The following MEAF6 variants were observed in gnomAD, a reference collection of about 807,000 sequenced individuals.
The protein encoded by MEAF6 is chromatin modification-related protein MEAF6.
Under a neutral mutation model 28.9 loss-of-function variants are expected in MEAF6, and 15 were observed. The observed-to-expected ratio is 0.52, with a 90% CI of 0.35 to 0.80. MEAF6 has a LOEUF of 0.80. Among genes scored for constraint, MEAF6 ranks in the 30% least tolerant of loss-of-function variants. The pLI is 0.01. For missense variants in MEAF6, 178 were observed against 237.5 expected, an observed-to-expected ratio of 0.75 and a Z score of 1.65; for synonymous variants, 97 against 88.7, an observed-to-expected ratio of 1.09 and a Z score of -0.53.
chr1:37,490,862 T>C lies in MEAF6; in HGVS notation c.*3237A>G, dbSNP rs1277050078. ...CAATATGGTGAAACCCGGTCTCTAT[T>C]GAAAATAAAAAAAAACTAGCTGGGT... On this transcript the variant is annotated 3_prime_UTR_variant, in exon 7 of 7. Transcript: ENST00000296214. Among the ~76,000 whole-genome samples the C allele has an allele frequency of 6.7e-6, 1 of 148,860 alleles. No homozygotes were observed. Among genetic ancestry groups the C allele is most frequent in the African/African-American group, 2.4e-5 (1 of 41,016 alleles).
At chr1:37,496,049 C>G in intron 5 of MEAF6, 131 bp from the exon 6 acceptor site, 1 of 723,536 alleles carries the variant, frequency 1.4e-6, no homozygotes, top group Non-Finnish European at 2.4e-6. Context: ...CTTCATTAGA[C>G]TATGTCATAT....
rs774096136 is a variant in MEAF6 at position 37,513,558 on chromosome 1, G to T, written c.91-20C>A. The T allele has an allele frequency of 6.5e-7, 1 of 1,547,952 alleles. No homozygotes were observed. The highest frequency in any genetic ancestry group is 8.9e-7 in the Non-Finnish European group (1 of 1,119,682). ...TGTTTCCTGAGAGATGAAAAACAAGGACATGAATGATACCTTTTAAATGCA... is the reference window on the plus strand; with the variant it reads ...TGTTTCCTGAGAGATGAAAAACAAGTACATGAATGATACCTTTTAAATGCA... On this transcript the variant is annotated intron_variant, in intron 1 of 6. Transcript: ENST00000296214.
At chr1:37,512,616 G>A (rs888857871) in intron 2 of MEAF6, among the ~76,000 whole-genome samples, 5 of 152,192 alleles carry the variant, frequency 3.3e-5, no homozygotes, top group Admixed American at 6.5e-5. Flanking sequence ...TCAGTTGGGC[G>A]TGGTGGCTCA....
Position 37,493,766 on chromosome 1 carries a change from G to C in MEAF6, c.*333C>G. On this transcript the variant is annotated 3_prime_UTR_variant, in exon 7 of 7. Transcript: ENST00000296214. ...AAAACCAGAGAACATTTCTTGAAGG[G>C]TATCACAGATGAAGCTGGTGCCAGC... The C allele has an allele frequency of 6.5e-7, 1 of 1,548,792 alleles. No homozygotes were observed. The highest frequency in any genetic ancestry group is 8.7e-7 in the Non-Finnish European group (1 of 1,145,316).
chr1:37,494,180 A>T, intron 6 of MEAF6, 73 bp from the exon 7 acceptor site: 1 of 1,328,050 alleles, frequency 7.5e-7, no homozygotes, highest in Non-Finnish European at 1.1e-6. Context: ...GAAAAAAAAA[A>T]TCTCATAAAC....
chr1:37,509,202 C>T (rs910058738), intron 4 of MEAF6, 76 bp downstream of exon 4: 1 of 1,299,644 alleles, frequency 7.7e-7, no homozygotes, highest in African/African-American at 1.5e-5. Flanking sequence ...CTCAGATACA[C>T]AATTGGATGA....
intron 4 of MEAF6, among the ~76,000 whole-genome samples, chr1:37,508,419 C>A (rs888526534): frequency 6.6e-6 from 1 of 151,288 alleles, no homozygotes; most frequent in Admixed American, 6.6e-5. Context: ...GCTGGGACTA[C>A]AGGCATATGC....
chr1:37,506,302 A>G (rs926815626), intron 4 of MEAF6, among the ~76,000 whole-genome samples: 3 of 152,050 alleles, frequency 2.0e-5, no homozygotes, highest in African/African-American at 7.2e-5. Context: ...CCACTAGGTT[A>G]GGCAATGGTT....
At position 37,492,576 on chromosome 1, in the gene MEAF6, A is replaced by AC. The variant is rs1641973353; in HGVS notation, c.*1522_*1523insG. The stretch of plus-strand genomic sequence containing the variant: ...AGCCAGAGTCAAAAAAAAAAAAAAA[A>AC]AAAAACCCACAAAAGTTTATTTGAG... On this transcript the variant is annotated 3_prime_UTR_variant, in exon 7 of 7. Coordinates refer to ENST00000296214, the MANE Select transcript of MEAF6 (RefSeq NM_001270875.3). 6.6e-6 allele frequency: 1 copy of AC among 151,910 alleles called. No individual in the cohort carries two copies. Among genetic ancestry groups the AC allele is most frequent in the Non-Finnish European group, 1.5e-5 (1 of 67,876 alleles). The allele number at this position is 151,910 out of a possible 1,614,324, so 9.4% of individuals were successfully genotyped here.
At chr1:37,497,663 C>T (rs924289104) in intron 5 of MEAF6, among the ~76,000 whole-genome samples, 18 of 152,158 alleles carry the variant, frequency 1.2e-4, no homozygotes, top group African/African-American at 4.3e-4. Flanking sequence ...GCAATCTTGG[C>T]TCACTGTAAC....
intron 5 of MEAF6, among the ~76,000 whole-genome samples, chr1:37,498,459 AG>A (rs1642193325): frequency 6.6e-6 from 1 of 150,578 alleles, no homozygotes; most frequent in African/African-American, 2.5e-5. Context: ...TTACTGAGAC[AG>A]GGTCTTCCTC....
chr1:37,508,084 C>T lies in MEAF6; in HGVS notation c.340+1194G>A, dbSNP rs1443273009. Among the ~76,000 whole-genome samples the T allele has an allele frequency of 2.6e-5, 4 of 151,918 alleles. No homozygotes were observed. The East Asian group carries it at 7.7e-4, about 29-fold the overall frequency. ...AAGGTGATGAAATACACAGAGAGAA[C>T]ATCCAATATGGTTACACTGAGTCTG... On this transcript the variant is annotated intron_variant, in intron 4 of 6. Transcript: ENST00000296214.
intron 6 of MEAF6, among the ~76,000 whole-genome samples, 191 bp downstream of exon 6, chr1:37,495,694 A>G (rs987464486): frequency 9.1e-6 from 1 of 110,480 alleles, no homozygotes; most frequent in African/African-American, 3.2e-5. Flanking sequence ...CAAAAAAAAA[A>G]AACAAAAAAC....
At chr1:37,501,288 T>C (rs1642294120) in intron 5 of MEAF6, 1 of 152,200 alleles carries the variant, frequency 6.6e-6, no homozygotes, top group South Asian at 2.1e-4. Context: ...AGTCAGCATA[T>C]TGCTGAGAAA....
chr1:37,506,870 AT>A (rs1184564280), intron 4 of MEAF6, among the ~76,000 whole-genome samples: 2 of 152,196 alleles, frequency 1.3e-5, no homozygotes, highest in African/African-American at 4.8e-5. Context: ...AAAATCTTTA[AT>A]ACATAAGTGT....
In MEAF6 at chr1:37,491,789, C is replaced by A. The variant is rs1641939832; in HGVS notation, c.*2310G>T. Among the ~76,000 whole-genome samples the A allele has an allele frequency of 6.6e-6, 1 of 151,710 alleles. No individual in the cohort carries two copies. The highest frequency in any genetic ancestry group is 2.4e-5 in the African/African-American group (1 of 41,338). Reference sequence around the variant, plus strand: ...AGTACTATTCTGTCTCCAGCAATGTCAAACTATGAGAGTCAAAAATATTTT... The same window carrying A: ...AGTACTATTCTGTCTCCAGCAATGTAAAACTATGAGAGTCAAAAATATTTT... On this transcript the variant is annotated 3_prime_UTR_variant, in exon 7 of 7. Coordinates refer to ENST00000296214, the MANE Select transcript of MEAF6 (RefSeq NM_001270875.3).
intron 6 of MEAF6, among the ~76,000 whole-genome samples, chr1:37,495,336 A>G (rs1394958361): frequency 1.5e-5 from 1 of 68,956 alleles, no homozygotes; most frequent in African/African-American, 4.7e-5. Flanking sequence ...GTCTCAAAAA[A>G]TAAATAAATA....
chr1:37,496,496 AT>A (rs1341229999), intron 5 of MEAF6: 2 of 989,938 alleles, frequency 2.0e-6, no homozygotes, highest in Non-Finnish European at 2.8e-6. Flanking sequence ...ATTAAAATGC[AT>A]AAAAGTGAAG....
intron 4 of MEAF6, among the ~76,000 whole-genome samples, chr1:37,502,498 G>C (rs1316643284): frequency 6.6e-6 from 1 of 150,816 alleles, no homozygotes; most frequent in East Asian, 1.9e-4. Context: ...GGGGGCCAAA[G>C]AGGGAGAAGA....
Sources: allele counts gnomAD v4.1 joint callset (sites outside exome capture counted in the v4.1 genomes callset), GRCh38; gene constraint gnomAD v4.1.1; transcripts MANE v1.5; gene names NCBI Gene and HGNC (gene_info 2026-07-23, HGNC 2026-07-21).